PACRGL: variants seen among roughly 807,000 people sequenced by gnomAD.
PACRGL encodes the protein parkin coregulated like.
Under a neutral mutation model 34.5 loss-of-function variants are expected in PACRGL, and 38 were observed. The observed-to-expected ratio is 1.10, with a 90% CI of 0.85 to 1.44. The LOEUF is 1.44. PACRGL is among the 40% of genes most tolerant of loss of function. The pLI is 0.00. For synonymous variants in PACRGL, 128 were observed against 100.1 expected (o/e 1.28, Z -1.66); for missense variants, 305 against 281.4 (o/e 1.08, Z -0.60).
chr4:20,724,532 T>G (rs1401767665), intron 7 of PACRGL, among the ~76,000 whole-genome samples: 3 of 152,196 alleles, frequency 2.0e-5, no homozygotes, highest in Non-Finnish European at 4.4e-5. Context: ...CTCTTGCAAA[T>G]TACAGAATCA....
downstream of PACRGL, among the ~76,000 whole-genome samples, chr4:20,735,629 C>CAGGTTCA (rs1401252213): frequency 6.6e-6 from 1 of 150,656 alleles, no homozygotes; most frequent in Admixed American, 6.7e-5. Flanking sequence ...TCCCACCTCC[C>CAGGTTCA]AGGTTCAAGC....
rs1164339591 is a variant in PACRGL at position 20,729,331 on chromosome 4, T to C, written c.*1990T>C. On this transcript the variant is annotated 3_prime_UTR_variant, in exon 9 of 9. Transcript: ENST00000503585. ...CCACTTAATGATTGATACTAATGAT[T>C]GATACAATAGAAAACAGCCTGTAAG... The C allele has an allele frequency of 6.6e-6, 1 of 151,532 alleles. No individual in the cohort carries two copies. The highest frequency in any genetic ancestry group is 1.5e-5 in the Non-Finnish European group (1 of 67,956). The allele number at this position is 151,532 out of a possible 1,614,324, so 9.4% of individuals were successfully genotyped here. A position where few individuals can be genotyped will look rare whatever the true frequency, so the allele number is the denominator to read the frequency against.
At chr4:20,702,178 A>G in intron 1 of PACRGL, 1 of 456,706 alleles carries the variant, frequency 2.2e-6, no homozygotes, top group Non-Finnish European at 4.4e-6. Flanking sequence ...GAAGGAAGAT[A>G]GAAATTTAGC....
chr4:20,754,965 TA>T (rs550870133), downstream of PACRGL, among the ~76,000 whole-genome samples: 240 of 152,316 alleles, frequency 1.6e-3, no homozygotes, highest in Admixed American at 5.1e-3. Flanking sequence ...AATTTTTCTT[TA>T]AAAAATCCAT....
intron 7 of PACRGL, chr4:20,716,079 T>C: frequency 1.3e-6 from 2 of 1,517,876 alleles, no homozygotes; most frequent in Non-Finnish European, 1.8e-6. Flanking sequence ...TATGTATAAC[T>C]TTAATCTTTA....
At chr4:20,719,345 C>T (rs1741833820) in intron 7 of PACRGL, among the ~76,000 whole-genome samples, 1 of 152,084 alleles carries the variant, frequency 6.6e-6, no homozygotes, top group Non-Finnish European at 1.5e-5. Flanking sequence ...CTGCTCTGAT[C>T]TTAGTTATTT....
Position 20,730,281 on chromosome 4 carries a change from T to C in PACRGL, c.*2940T>C. On this transcript the variant is annotated 3_prime_UTR_variant, in exon 9 of 9. Coordinates refer to ENST00000503585, the MANE Select transcript of PACRGL (RefSeq NM_001258345.3). ...AAGTGTTTGCAAATGTAAATGCCATTCTATTCTATCCATTTTCCACATAGA... is the reference window on the plus strand; with the variant it reads ...AAGTGTTTGCAAATGTAAATGCCATCCTATTCTATCCATTTTCCACATAGA... 1.0e-6 allele frequency: 1 copy of C among 981,218 alleles called. No homozygotes were observed. The highest frequency in any genetic ancestry group is 1.4e-6 in the Non-Finnish European group (1 of 709,708). The allele number at this position is 981,218 out of a possible 1,614,324, so 60.8% of individuals were successfully genotyped here.
chr4:20,760,455 G>C, the PACRGL span, among the ~76,000 whole-genome samples: 16 of 152,014 alleles, frequency 1.1e-4, no homozygotes, highest in Admixed American at 3.9e-4. Context: ...CTTTATTCCA[G>C]TGAGTCAGTT....
At chr4:20,721,926 G>A (rs1327484362) in intron 7 of PACRGL, among the ~76,000 whole-genome samples, 1 of 152,216 alleles carries the variant, frequency 6.6e-6, no homozygotes, top group African/African-American at 2.4e-5. Flanking sequence ...CCCAGAGGTG[G>A]AGTCTACAGA....
intron 3 of PACRGL, among the ~76,000 whole-genome samples, chr4:20,707,211 C>T (rs1353547592): frequency 6.6e-6 from 1 of 152,070 alleles, no homozygotes; most frequent in African/African-American, 2.4e-5. Context: ...TTGTGATTGA[C>T]CATCCCTTAA....
chr4:20,706,773 A>G (rs1341641432), intron 3 of PACRGL, among the ~76,000 whole-genome samples: 1 of 152,020 alleles, frequency 6.6e-6, no homozygotes, highest in Non-Finnish European at 1.5e-5. Context: ...ATGGGGTTTC[A>G]CCGTGTTAGC....
At chr4:20,698,107 T>A (rs754872652), upstream of PACRGL, among the ~76,000 whole-genome samples, 19 of 152,126 alleles carry the variant, frequency 1.2e-4, no homozygotes, top group Non-Finnish European at 2.5e-4. Flanking sequence ...CTCCTATTAG[T>A]GTTCTTCAGT....
At chr4:20,741,415 T>G (rs1422892942) in intron 8 of PACRGL, among the ~76,000 whole-genome samples, 1 of 152,202 alleles carries the variant, frequency 6.6e-6, no homozygotes, top group Non-Finnish European at 1.5e-5. Context: ...AGATTGAAAC[T>G]CACTCAAAAC....
At chr4:20,701,753 C>G (rs2874831) in intron 1 of PACRGL, 1 of 428,166 alleles carries the variant, frequency 2.3e-6, no homozygotes, top group Non-Finnish European at 4.8e-6. Context: ...CCTCCCTCCC[C>G]CCAGTCTCTT....
downstream of PACRGL, among the ~76,000 whole-genome samples, chr4:20,736,871 A>G (rs1383401691): frequency 6.6e-6 from 1 of 152,198 alleles, no homozygotes; most frequent in African/African-American, 2.4e-5. Flanking sequence ...AAGAAAAACA[A>G]ACTTGGAGGA....
chr4:20,738,514 C>T (rs1388919006), intron 8 of PACRGL, among the ~76,000 whole-genome samples: 2 of 152,174 alleles, frequency 1.3e-5, no homozygotes, highest in Non-Finnish European at 2.9e-5. Flanking sequence ...CCAGGGATCA[C>T]ACTTTGAGAA....
At chr4:20,732,650 A>G (rs765802618), downstream of PACRGL, 2 of 1,406,492 alleles carry the variant, frequency 1.4e-6, no homozygotes, top group East Asian at 2.3e-5. Flanking sequence ...TCCTAACTTC[A>G]TGCCCTCTTG....
chr4:20,700,196 G>T (rs139811710), upstream of PACRGL, among the ~76,000 whole-genome samples: 1 of 152,202 alleles, frequency 6.6e-6, no homozygotes, highest in Non-Finnish European at 1.5e-5. Flanking sequence ...AGGCTAGGGC[G>T]CAGGCGACTG....
At chr4:20,736,971 G>T (rs1389601505), downstream of PACRGL, among the ~76,000 whole-genome samples, 1 of 152,136 alleles carries the variant, frequency 6.6e-6, no homozygotes, top group Admixed American at 6.6e-5. Flanking sequence ...TAGAACAGTA[G>T]AATAGAATTG....
Sources: gnomAD v4.1 joint callset for allele counts (sites outside exome capture counted in the v4.1 genomes callset) on GRCh38, gnomAD v4.1.1 for gene constraint, MANE v1.5 for transcripts, NCBI Gene and HGNC (gene_info 2026-07-23, HGNC 2026-07-21) for gene names.